Variants in CSNK1G3 observed in about 807,000 individuals in gnomAD.
The protein encoded by CSNK1G3 is casein kinase I isoform gamma-3.
A neutral mutation model predicts 64.3 loss-of-function variants in CSNK1G3; 23 were observed. The observed-to-expected ratio is 0.36, with a 90% CI of 0.26 to 0.51. The LOEUF (loss-of-function observed/expected upper bound fraction) is 0.51, where lower values mean the gene tolerates loss of function less well. CSNK1G3 is among the 20% of genes least tolerant of loss of function. CSNK1G3 has a pLI of 0.96. For missense variants in CSNK1G3, 357 were observed against 510.5 expected, an observed-to-expected ratio of 0.70 and a Z score of 2.90; for synonymous variants, 158 against 162.2, an observed-to-expected ratio of 0.97 and a Z score of 0.20.
intron 1 of CSNK1G3, among the ~76,000 whole-genome samples, chr5:123,538,201 G>A (rs1781140663): frequency 6.6e-6 from 1 of 152,102 alleles, no homozygotes. Context: ...ATCTAAGAGT[G>A]GCATTGCTAG....
chr5:123,584,338 A>C (rs1790911144), intron 6 of CSNK1G3, among the ~76,000 whole-genome samples: 2 of 152,104 alleles, frequency 1.3e-5, no homozygotes, highest in Non-Finnish European at 2.9e-5. Flanking sequence ...TGTAATTCCT[A>C]GTTTGCTGAG....
Position 123,595,914 on chromosome 5 carries a change from AAAGT to A in CSNK1G3, c.1086+4505_1086+4508del, listed in dbSNP as rs201449140. On this transcript the variant is annotated intron_variant, in intron 10 of 12. Coordinates refer to ENST00000345990, the Ensembl canonical transcript of CSNK1G3. ...TTTAAGGTAATCTAAAAGCCAGCTT[AAAGT>A]AAGTGAGATAACAAATGTTATCCCA... Among the ~76,000 whole-genome samples, 1,183 of 152,234 alleles carry A rather than the reference AAAGT, an allele frequency of 7.8e-3. 11 individuals are homozygous for A. The highest frequency in any genetic ancestry group is 0.027 in the African/African-American group (1,112 of 41,566).
At chr5:123,583,055 G>A (rs748516109) in intron 6 of CSNK1G3, among the ~76,000 whole-genome samples, 5 of 152,142 alleles carry the variant, frequency 3.3e-5, no homozygotes, top group Admixed American at 6.5e-5. Context: ...CCATGTAGGC[G>A]AGATCACCTT....
At chr5:123,552,814 C>T (rs1156745337) in intron 2 of CSNK1G3, among the ~76,000 whole-genome samples, 1 of 152,090 alleles carries the variant, frequency 6.6e-6, no homozygotes, top group Non-Finnish European at 1.5e-5. Flanking sequence ...CTATTGATTA[C>T]TTTTAAATTG....
At chr5:123,514,063 T>C (rs943354151) in intron 1 of CSNK1G3, among the ~76,000 whole-genome samples, 3 of 152,224 alleles carry the variant, frequency 2.0e-5, no homozygotes, top group Admixed American at 6.5e-5. Flanking sequence ...ATCAAATACA[T>C]TGTGTGGCTT....
intron 10 of CSNK1G3, among the ~76,000 whole-genome samples, chr5:123,597,977 G>T (rs1018676146): frequency 1.1e-4 from 17 of 152,272 alleles, no homozygotes; most frequent in Admixed American, 3.3e-4. Context: ...TCTCTGGGAA[G>T]TGAAGTATTA....
chr5:123,599,131 T>C (rs962508060), intron 10 of CSNK1G3, among the ~76,000 whole-genome samples: 6 of 152,188 alleles, frequency 3.9e-5, no homozygotes, highest in African/African-American at 7.2e-5. Context: ...TCGAGCTCAG[T>C]GCAAACTGAA....
chr5:123,613,624 G>T (rs1002169072), intron 12 of CSNK1G3, among the ~76,000 whole-genome samples: 1 of 151,652 alleles, frequency 6.6e-6, no homozygotes, highest in Non-Finnish European at 1.5e-5. Flanking sequence ...CTCCTGCCTC[G>T]GCCTCTCAAA....
intron 10 of CSNK1G3, among the ~76,000 whole-genome samples, chr5:123,592,739 G>A (rs1293700497): frequency 7.5e-6 from 1 of 133,202 alleles, no homozygotes; most frequent in Non-Finnish European, 1.6e-5. Context: ...ACAATATTAT[G>A]CTATATATAT....
chr5:123,539,702 T>C (rs1270865586), intron 1 of CSNK1G3, among the ~76,000 whole-genome samples: 2 of 152,202 alleles, frequency 1.3e-5, no homozygotes, highest in Admixed American at 6.5e-5. Flanking sequence ...ACAAAGTAAA[T>C]TGATTATTCC....
chr5:123,553,067 T>C (rs1783994618), intron 2 of CSNK1G3, 40 bp from the exon 3 acceptor site: 1 of 1,135,214 alleles, frequency 8.8e-7, no homozygotes, highest in Non-Finnish European at 1.2e-6. Flanking sequence ...ATCTTTAAAA[T>C]CAATTACTGG....
intron 1 of CSNK1G3, among the ~76,000 whole-genome samples, chr5:123,544,554 C>G (rs1401370865): frequency 1.3e-5 from 2 of 152,146 alleles, no homozygotes; most frequent in Non-Finnish European, 2.9e-5. Context: ...TTAATAGCAA[C>G]GAATGATAGC....
intron 1 of CSNK1G3, among the ~76,000 whole-genome samples, chr5:123,518,573 C>G (rs1777572697): frequency 6.6e-6 from 1 of 152,178 alleles, no homozygotes; most frequent in South Asian, 2.1e-4. Flanking sequence ...TCTGGAAAAG[C>G]AAATACATCT....
At chr5:123,541,589 C>A (rs977834157) in intron 1 of CSNK1G3, among the ~76,000 whole-genome samples, 2 of 151,946 alleles carry the variant, frequency 1.3e-5, no homozygotes, top group Non-Finnish European at 2.9e-5. Context: ...CCACCACTCC[C>A]AGCTTATTAT....
At chr5:123,582,148 A>C (rs894775826) in intron 6 of CSNK1G3, among the ~76,000 whole-genome samples, 1 of 152,140 alleles carries the variant, frequency 6.6e-6, no homozygotes, top group Non-Finnish European at 1.5e-5. Flanking sequence ...TGAAATTTCA[A>C]TTGAAATGGA....
intron 6 of CSNK1G3, among the ~76,000 whole-genome samples, chr5:123,585,979 G>A (rs539545026): frequency 1.2e-4 from 19 of 152,196 alleles, no homozygotes; most frequent in African/African-American, 4.6e-4. Flanking sequence ...TGTCAACATA[G>A]ACTAGTACAA....
At chr5:123,557,462 TTAAA>T (rs1363926233) in intron 3 of CSNK1G3, 29 bp from the exon 4 acceptor site, 2 of 1,557,510 alleles carry the variant, frequency 1.3e-6, no homozygotes, top group Admixed American at 1.7e-5. Context: ...TTTTAATAAC[TTAAA>T]TGTCTTTTTT....
chr5:123,595,412 G>T (rs181364385), intron 10 of CSNK1G3, among the ~76,000 whole-genome samples: 1 of 152,190 alleles, frequency 6.6e-6, no homozygotes, highest in East Asian at 1.9e-4. Context: ...ACGGTATTAT[G>T]CTTGAAATAG....
intron 4 of CSNK1G3, 58 bp from the exon 5 acceptor site, chr5:123,573,335 G>A: frequency 6.5e-7 from 1 of 1,541,422 alleles, no homozygotes; most frequent in Middle Eastern, 1.7e-4. Flanking sequence ...GTTTTTAAGA[G>A]GAAAACCTTA....
Sources: allele counts gnomAD v4.1 joint callset (sites outside exome capture counted in the v4.1 genomes callset), GRCh38; gene constraint gnomAD v4.1.1; transcripts MANE v1.5; gene names NCBI Gene and HGNC (gene_info 2026-07-23, HGNC 2026-07-21).